Variants in ARK2C observed in about 807,000 individuals in gnomAD.
ARK2C encodes the protein E3 ubiquitin-protein ligase ARK2C.
the ARK2C span, chr18:46,447,793 C>T: frequency 4.3e-6 from 6 of 1,411,290 alleles, no homozygotes; most frequent in Non-Finnish European, 6.0e-6. Flanking sequence ...CCTGGCTCCC[C>T]TGTATCCTTG....
At chr18:46,449,366 A>G in the ARK2C span, among the ~76,000 whole-genome samples, 5 of 152,152 alleles carry the variant, frequency 3.3e-5, no homozygotes, top group Non-Finnish European at 7.3e-5. Flanking sequence ...TTTGACTTTA[A>G]AAAACATTGC....
the ARK2C span, among the ~76,000 whole-genome samples, chr18:46,427,056 T>A: frequency 6.6e-6 from 1 of 152,284 alleles, no homozygotes. Flanking sequence ...CCTACATGAT[T>A]TAGGGCTGAG....
chr18:46,432,970 A>ATAAATAAATAAATAAAT, the ARK2C span, among the ~76,000 whole-genome samples: 5 of 152,062 alleles, frequency 3.3e-5, no homozygotes, highest in African/African-American at 1.2e-4. Context: ...AAATAAATAA[A>ATAAATAAATAAATAAAT]AAATAAAGAT....
the ARK2C span, among the ~76,000 whole-genome samples, chr18:46,390,896 C>T: frequency 6.6e-6 from 1 of 152,156 alleles, no homozygotes; most frequent in Non-Finnish European, 1.5e-5. Flanking sequence ...TGAGGAAGCA[C>T]TCAGAAAATG....
chr18:46,440,495 A>G, the ARK2C span, among the ~76,000 whole-genome samples: 2 of 152,228 alleles, frequency 1.3e-5, no homozygotes, highest in African/African-American at 2.4e-5. Context: ...GTCCTGGAAC[A>G]TATCCCTCAC....
the ARK2C span, among the ~76,000 whole-genome samples, chr18:46,406,204 A>T: frequency 1.3e-5 from 2 of 152,106 alleles, no homozygotes; most frequent in Non-Finnish European, 2.9e-5. Context: ...GTCGTCACAA[A>T]CTTCCACTCC....
the ARK2C span, among the ~76,000 whole-genome samples, chr18:46,419,881 T>C: frequency 2.0e-5 from 3 of 152,122 alleles, no homozygotes; most frequent in Non-Finnish European, 4.4e-5. Flanking sequence ...CTTCCCCTGC[T>C]CTCCTCTAAC....
At chr18:46,352,367 A>G in the ARK2C span, among the ~76,000 whole-genome samples, 2 of 152,134 alleles carry the variant, frequency 1.3e-5, no homozygotes, top group Non-Finnish European at 2.9e-5. Context: ...TCCCAAGCTT[A>G]TTTCATGTGG....
the ARK2C span, among the ~76,000 whole-genome samples, chr18:46,452,110 T>A: frequency 6.6e-6 from 1 of 152,134 alleles, no homozygotes; most frequent in African/African-American, 2.4e-5. Flanking sequence ...ACTGATAGAA[T>A]GGTGCAACAC....
chr18:46,362,190 T>G, the ARK2C span, among the ~76,000 whole-genome samples: 1 of 152,184 alleles, frequency 6.6e-6, no homozygotes, highest in Non-Finnish European at 1.5e-5. Context: ...CCAAGGTCAA[T>G]CTTTTCTCCA....
chr18:46,457,277 A>G, the ARK2C span: 1 of 152,564 alleles, frequency 6.6e-6, no homozygotes, highest in Non-Finnish European at 1.5e-5. Context: ...TTTACGGTGA[A>G]AAAGGATTTT....
chr18:46,435,688 A>G, the ARK2C span, among the ~76,000 whole-genome samples: 1 of 152,190 alleles, frequency 6.6e-6, no homozygotes, highest in Non-Finnish European at 1.5e-5. Flanking sequence ...AACATTTCCC[A>G]GGCTCAGTGA....
the ARK2C span, chr18:46,386,712 T>C: frequency 6.6e-6 from 1 of 152,162 alleles, no homozygotes; most frequent in Admixed American, 6.5e-5. Flanking sequence ...GTCCTTTCAG[T>C]GGAGATTCTC....
the ARK2C span, among the ~76,000 whole-genome samples, chr18:46,394,758 A>G: frequency 6.6e-6 from 1 of 152,362 alleles, no homozygotes; most frequent in African/African-American, 2.4e-5. Context: ...TTCAAGGACG[A>G]CTGTGGATCC....
chr18:46,349,834 G>T, the ARK2C span, among the ~76,000 whole-genome samples: 1 of 152,156 alleles, frequency 6.6e-6, no homozygotes, highest in Non-Finnish European at 1.5e-5. Flanking sequence ...CCCAGCACCT[G>T]ATGCTCACAT....
chr18:46,334,659 A>T, the ARK2C span: 1 of 370,910 alleles, frequency 2.7e-6, no homozygotes, highest in Admixed American at 4.9e-5. This position sits in a 1 kb window ranked among gnomAD's most constrained non-coding sequence, Gnocchi z 4.4. Context: ...CGAAAGGAGA[A>T]AGATACATGA....
At chr18:46,417,547 T>C in the ARK2C span, among the ~76,000 whole-genome samples, 1 of 152,268 alleles carries the variant, frequency 6.6e-6, no homozygotes, top group Non-Finnish European at 1.5e-5. Context: ...TACACAATAG[T>C]TATCTTCTCA....
chr18:46,363,831 G>A, the ARK2C span, among the ~76,000 whole-genome samples: 1 of 152,106 alleles, frequency 6.6e-6, no homozygotes, highest in African/African-American at 2.4e-5. Flanking sequence ...GAATTCATAG[G>A]GGCCACCGTT....
the ARK2C span, chr18:46,462,127 C>T: frequency 6.6e-6 from 1 of 152,350 alleles, no homozygotes. Context: ...GGAGCTTCTT[C>T]GGAGGACCGG....
Sources: allele counts gnomAD v4.1 joint callset (sites outside exome capture counted in the v4.1 genomes callset), GRCh38; gene constraint gnomAD v4.1.1; non-coding constraint Gnocchi (gnomAD v3.1); transcripts MANE v1.5; gene names NCBI Gene and HGNC (gene_info 2026-07-23, HGNC 2026-07-21).